Variants in ANKRD36 observed in about 807,000 individuals in gnomAD.
ANKRD36 encodes ankyrin repeat domain 36.
In ANKRD36, 179 loss-of-function variants were observed where a neutral mutation model predicts 278.1. The ratio of observed to expected loss-of-function variants is 0.64; its 90% CI spans 0.57 to 0.73. ANKRD36 has a LOEUF of 0.73. Ranked by LOEUF, ANKRD36 falls within the 30% of genes least tolerant of loss-of-function variation. ANKRD36 has a pLI of 0.00. For synonymous variants in ANKRD36, 320 were observed against 641.1 expected (o/e 0.50, Z 7.57); for missense variants, 1,159 against 1,956.7 (o/e 0.59, Z 7.69).
chr2:97,183,750 C>T, intron 28 of ANKRD36, 96 bp downstream of exon 28: 1 of 1,414,312 alleles, frequency 7.1e-7, no homozygotes, highest in Non-Finnish European at 9.6e-7. Flanking sequence ...TGAAAATGCA[C>T]TTTCTGATTC....
chr2:97,212,979 T>G (rs1335518983), intron 58 of ANKRD36: 6 of 333,092 alleles, frequency 1.8e-5, no homozygotes, highest in Non-Finnish European at 2.8e-5. Context: ...TCTCAGTTAT[T>G]GGGCAAGTTA....
At chr2:97,194,368 A>G (rs2059202345) in intron 38 of ANKRD36, among the ~76,000 whole-genome samples, 1 of 151,664 alleles carries the variant, frequency 6.6e-6, no homozygotes, top group East Asian at 2.0e-4. Flanking sequence ...ATATGGGATC[A>G]TGTAGCACCT....
chr2:97,150,599 T>C (rs922601964), intron 12 of ANKRD36, among the ~76,000 whole-genome samples: 6 of 152,178 alleles, frequency 3.9e-5, no homozygotes, highest in African/African-American at 1.4e-4. Flanking sequence ...TTTTCTAATG[T>C]TGAGAATGTA....
intron 42 of ANKRD36, among the ~76,000 whole-genome samples, chr2:97,198,229 G>T (rs1401214374): frequency 6.6e-6 from 1 of 151,858 alleles, no homozygotes; most frequent in African/African-American, 2.4e-5. Context: ...TTAGTTTTTG[G>T]CATATGACAA....
chr2:97,180,048 C>G, intron 24 of ANKRD36, 115 bp downstream of exon 24: 1 of 1,485,180 alleles, frequency 6.7e-7, no homozygotes, highest in Non-Finnish European at 9.1e-7. Context: ...TTCAGTACAC[C>G]TGAGATTCTT....
chr2:97,159,316 T>C (rs1268376323), intron 17 of ANKRD36, among the ~76,000 whole-genome samples: 2 of 152,120 alleles, frequency 1.3e-5, no homozygotes, highest in African/African-American at 2.4e-5. Context: ...TCAATATTTC[T>C]AGTTTAAATA....
At position 97,190,373 on chromosome 2, in the gene ANKRD36, A is replaced by AG. The variant is rs1354921639; in HGVS notation, c.2246-603dup. On this transcript the variant is annotated intron_variant, in intron 34 of 75. Coordinates refer to ENST00000420699, the MANE Select transcript of ANKRD36 (RefSeq NM_001354587.1). ...ATAAACTAGTGGATACAAGAAACTT[A>AG]GGCAAATTATTACAACACATGGGTG... Among the ~76,000 whole-genome samples, 6 of 93,342 alleles carry AG rather than the reference A, an allele frequency of 6.4e-5. 1 individual carries two copies. Among genetic ancestry groups the AG allele is most frequent in the African/African-American group, 1.5e-4 (6 of 39,036 alleles). The allele number at this position is 93,342 out of a possible 152,430, so 61.2% of individuals were successfully genotyped here.
chr2:97,190,021 G>C (rs1356033381), intron 34 of ANKRD36, among the ~76,000 whole-genome samples: 1 of 85,634 alleles, frequency 1.2e-5, no homozygotes, highest in Admixed American at 1.1e-4. Flanking sequence ...ATGAGATAAA[G>C]TTGAATATGA....
intron 67 of ANKRD36, among the ~76,000 whole-genome samples, chr2:97,229,713 A>G (rs9750823): frequency 0.082 from 12,380 of 150,424 alleles, 306 homozygotes; most frequent in African/African-American, 0.25. Flanking sequence ...TAATTAGTTA[A>G]TGCAGTTTCT....
chr2:97,206,088 T>C lies in ANKRD36; in HGVS notation c.3116T>C (p.Val1039Ala). Residue 1039 changes from valine (V) to alanine (A), a missense_variant, in exon 52 of 76, where the codon GTT becomes GCT. Transcript: ENST00000420699. Reference sequence around the variant, plus strand: ...GCTACAAGTGATGAGGAAGATTCTGTTTTGAGTATAGCCAGAGAAAACAAG... The same window carrying C: ...GCTACAAGTGATGAGGAAGATTCTGCTTTGAGTATAGCCAGAGAAAACAAG... Reference protein sequence around the residue: ...LKATSDEEDSVLSIARENKDG... With the variant: ...LKATSDEEDSALSIARENKDG... 1 of 1,550,638 alleles carries C rather than the reference T, an allele frequency of 6.4e-7. No individual in the cohort carries two copies. The highest frequency in any genetic ancestry group is 8.7e-7 in the Non-Finnish European group (1 of 1,149,456).
intron 20 of ANKRD36, among the ~76,000 whole-genome samples, chr2:97,166,305 T>A (rs528334903): frequency 3.2e-4 from 48 of 150,204 alleles, no homozygotes; most frequent in African/African-American, 6.8e-4. Context: ...GAATAGAAAC[T>A]ATGAAACTGT....
chr2:97,204,728 G>A (rs1244967024), intron 50 of ANKRD36, among the ~76,000 whole-genome samples: 8 of 151,530 alleles, frequency 5.3e-5, no homozygotes, highest in South Asian at 2.1e-4. Flanking sequence ...GGATTGTGAG[G>A]CAGGAAGGTG....
At chr2:97,126,913 A>G (rs2038797883) in intron 5 of ANKRD36, among the ~76,000 whole-genome samples, 154 bp from the exon 6 acceptor site, 1 of 151,082 alleles carries the variant, frequency 6.6e-6, no homozygotes, top group South Asian at 2.1e-4. Context: ...TTTAATTAGA[A>G]AGGTACTAAG....
intron 38 of ANKRD36, among the ~76,000 whole-genome samples, chr2:97,193,717 T>G (rs1259757379): frequency 2.0e-5 from 3 of 151,680 alleles, no homozygotes; most frequent in African/African-American, 7.3e-5. Flanking sequence ...TCTGTTACTA[T>G]TAGGCATCAG....
At position 97,146,519 on chromosome 2, in the gene ANKRD36, A is replaced by G. The variant is rs2044294922; in HGVS notation, c.1034+3A>G. On this transcript the variant is annotated splice_donor_region_variant and intron_variant, in intron 11 of 75. Transcript: ENST00000420699. ...GCTGTTGAACAGTGTTTAAACAGGT[A>G]TGATTTTACAGATTTTTTAAAGTGA... is the stretch of plus-strand genomic sequence containing the variant. The G allele has an allele frequency of 6.6e-7, 1 of 1,517,668 alleles. No homozygotes were observed. The highest frequency in any genetic ancestry group is 1.2e-5 in the South Asian group (1 of 81,916). The allele number at this position is 1,517,668 out of a possible 1,614,324, so 94.0% of individuals were successfully genotyped here.
intron 10 of ANKRD36, 64 bp from the exon 11 acceptor site, chr2:97,146,422 T>C: frequency 1.5e-6 from 2 of 1,331,500 alleles, no homozygotes; most frequent in Non-Finnish European, 2.0e-6. Flanking sequence ...TGCTCTTTTA[T>C]GTTTTTAATA....
chr2:97,225,934 G>T (rs2069398167), intron 67 of ANKRD36, among the ~76,000 whole-genome samples: 1 of 151,698 alleles, frequency 6.6e-6, no homozygotes, highest in African/African-American at 2.4e-5. Context: ...TTTCATCCAT[G>T]TCCCTACAAA....
rs554430261 is a variant in ANKRD36 at position 97,149,910 on chromosome 2, A to G, written c.1101+549A>G. Among the ~76,000 whole-genome samples the G allele has an allele frequency of 1.3e-5, 2 of 151,908 alleles. 1 individual carries two copies. The highest frequency in any genetic ancestry group is 4.2e-4 in the South Asian group (2 of 4,794). On this transcript the variant is annotated intron_variant, in intron 12 of 75. Transcript: ENST00000420699. ...GGCTCTGTAATTAGACTAAAATAAT[A>G]TTAGAAATTGTGGAAATTTAACTAG...
chr2:97,146,366 C>T lies in ANKRD36; in HGVS notation c.1004-120C>T. The stretch of plus-strand genomic sequence containing the variant: ...TGCCTGGGCTTCTCAAGTGATATTT[C>T]TGCCTCAGCCTTTTGAGTAGCTGAG... On this transcript the variant is annotated intron_variant, in intron 10 of 75. Transcript: ENST00000420699. 3 of 753,790 alleles carry T rather than the reference C, an allele frequency of 4.0e-6. No individual in the cohort carries two copies. In the Admixed American group the frequency reaches 9.9e-5, roughly 25 times the overall value. The allele number at this position is 753,790 out of a possible 1,614,324, so 46.7% of individuals were successfully genotyped here. A position where few individuals can be genotyped will look rare whatever the true frequency, so the allele number is the denominator to read the frequency against.
Sources: gnomAD v4.1 joint callset for allele counts (sites outside exome capture counted in the v4.1 genomes callset) on GRCh38, gnomAD v4.1.1 for gene constraint, MANE v1.5 for transcripts, NCBI Gene and HGNC (gene_info 2026-07-23, HGNC 2026-07-21) for gene names.